CFAP210: variants seen among roughly 807,000 people sequenced by gnomAD.
CFAP210 encodes the protein cilia- and flagella- associated protein 210.
chr2:169,681,374 T>A, the CFAP210 span: 1 of 720,694 alleles, frequency 1.4e-6, no homozygotes, highest in Non-Finnish European at 2.4e-6. Flanking sequence ...AGAACAGCTA[T>A]GATTAAGTGA....
chr2:169,653,408 C>A, the CFAP210 span, among the ~76,000 whole-genome samples: 1 of 151,678 alleles, frequency 6.6e-6, no homozygotes, highest in Non-Finnish European at 1.5e-5. Context: ...GGTGGAGAGC[C>A]TTATGGGCCA....
chr2:169,659,962 T>A, the CFAP210 span, among the ~76,000 whole-genome samples: 2 of 152,226 alleles, frequency 1.3e-5, no homozygotes, highest in African/African-American at 2.4e-5. Context: ...TAGCCTCTAA[T>A]GATCTTTTGA....
At chr2:169,682,974 T>C in the CFAP210 span, among the ~76,000 whole-genome samples, 2 of 152,098 alleles carry the variant, frequency 1.3e-5, no homozygotes, top group African/African-American at 4.8e-5. Flanking sequence ...ATTTTTACTA[T>C]TAGTATGAGG....
chr2:169,646,227 C>A, the CFAP210 span: 5 of 1,374,186 alleles, frequency 3.6e-6, no homozygotes, highest in African/African-American at 5.8e-5. Flanking sequence ...TGGTTAAGAA[C>A]ATGAACTTTC....
At chr2:169,679,001 C>A in the CFAP210 span, among the ~76,000 whole-genome samples, 1 of 151,930 alleles carries the variant, frequency 6.6e-6, no homozygotes, top group South Asian at 2.1e-4. Flanking sequence ...AGCAATAAAA[C>A]AGAATAGATA....
the CFAP210 span, among the ~76,000 whole-genome samples, chr2:169,656,510 A>G: frequency 6.6e-6 from 1 of 151,950 alleles, no homozygotes; most frequent in South Asian, 2.1e-4. Flanking sequence ...GAGGAGGAGG[A>G]GGAGGAGGAG....
chr2:169,691,409 A>G, the CFAP210 span, among the ~76,000 whole-genome samples: 1 of 152,118 alleles, frequency 6.6e-6, no homozygotes, highest in South Asian at 2.1e-4. Flanking sequence ...TATCTAGTAA[A>G]TCCAACATCT....
the CFAP210 span, among the ~76,000 whole-genome samples, chr2:169,690,484 G>A: frequency 5.9e-4 from 89 of 152,034 alleles, no homozygotes; most frequent in African/African-American, 1.2e-3. Flanking sequence ...CCAACATGGC[G>A]AAACCCCATC....
the CFAP210 span, among the ~76,000 whole-genome samples, chr2:169,682,810 T>C: frequency 1.3e-5 from 2 of 152,204 alleles, no homozygotes; most frequent in South Asian, 2.1e-4. Context: ...ACATACCATA[T>C]ATTAACTATA....
the CFAP210 span, chr2:169,658,677 A>T: frequency 8.0e-6 from 2 of 249,010 alleles, no homozygotes; most frequent in Non-Finnish European, 1.6e-5. Context: ...TCAGTGCAGA[A>T]TACTGTCTTC....
the CFAP210 span, among the ~76,000 whole-genome samples, chr2:169,655,309 T>G: frequency 6.6e-6 from 1 of 152,164 alleles, no homozygotes; most frequent in East Asian, 1.9e-4. Context: ...ATTCTGTTAT[T>G]ATGTAAGTAG....
At chr2:169,685,793 G>T in the CFAP210 span, among the ~76,000 whole-genome samples, 48 of 149,616 alleles carry the variant, frequency 3.2e-4, no homozygotes, top group South Asian at 7.9e-3. Flanking sequence ...GTGGTGTGAG[G>T]TGTCTATAAA....
chr2:169,669,864 A>G, the CFAP210 span, among the ~76,000 whole-genome samples: 1 of 152,144 alleles, frequency 6.6e-6, no homozygotes, highest in Non-Finnish European at 1.5e-5. Flanking sequence ...TGAGACATTG[A>G]AATGGAGATA....
At chr2:169,662,250 CT>C in the CFAP210 span, 1 of 1,583,618 alleles carries the variant, frequency 6.3e-7, no homozygotes, top group Admixed American at 2.0e-5. Context: ...GACTTTGAAC[CT>C]TTTTGGAACT....
the CFAP210 span, among the ~76,000 whole-genome samples, chr2:169,672,553 GCT>G: frequency 6.6e-6 from 1 of 152,332 alleles, no homozygotes; most frequent in Admixed American, 6.5e-5. Flanking sequence ...CCAGCAAGCT[GCT>G]GGTGCAAGTC....
At chr2:169,650,316 T>G in the CFAP210 span, 1 of 1,546,962 alleles carries the variant, frequency 6.5e-7, no homozygotes. Flanking sequence ...ATTTTCATAA[T>G]TGAATTGTTT....
the CFAP210 span, among the ~76,000 whole-genome samples, chr2:169,655,482 C>T: frequency 3.9e-5 from 6 of 152,112 alleles, no homozygotes; most frequent in Non-Finnish European, 8.8e-5. Context: ...TCAATATGAT[C>T]AATATGAAAA....
the CFAP210 span, among the ~76,000 whole-genome samples, chr2:169,691,393 AG>A: frequency 8.5e-5 from 13 of 152,338 alleles, no homozygotes; most frequent in East Asian, 2.1e-3. Flanking sequence ...AATTTACAAA[AG>A]TTTGTATCTA....
chr2:169,656,703 C>A, the CFAP210 span, among the ~76,000 whole-genome samples: 6 of 152,078 alleles, frequency 3.9e-5, no homozygotes, highest in East Asian at 3.9e-4. Flanking sequence ...GTGACTCACA[C>A]CTGTAATCCC....
Sources: gnomAD v4.1 joint callset for allele counts (sites outside exome capture counted in the v4.1 genomes callset) on GRCh38, gnomAD v4.1.1 for gene constraint, MANE v1.5 for transcripts, NCBI Gene and HGNC (gene_info 2026-07-23, HGNC 2026-07-21) for gene names.